The following COL19A1 variants were observed in gnomAD, a reference collection of about 807,000 sequenced individuals.
COL19A1 encodes collagen type XIX alpha 1 chain, also known as collagen alpha-1(XIX) chain.
COL19A1 carries 159 observed loss-of-function variants against 190.2 expected under a neutral mutation model. That is an observed-to-expected ratio of 0.84 (90% CI 0.73 to 0.95). The LOEUF (loss-of-function observed/expected upper bound fraction) is 0.95. Among genes scored for constraint, COL19A1 ranks in the 40% least tolerant of loss-of-function variants. COL19A1 has a pLI of 0.00. For missense variants in COL19A1, 1,418 were observed against 1,431.9 expected (o/e 0.99, Z 0.16); for synonymous variants, 509 against 458.9 (o/e 1.11, Z -1.39).
In COL19A1 at chr6:70,156,347, T is replaced by C. The variant is rs2150252655; in HGVS notation, c.2216T>C (p.Ile739Thr). 2 of 1,613,204 alleles carry C rather than the reference T, an allele frequency of 1.2e-6. No individual in the cohort carries two copies. Among genetic ancestry groups the C allele is most frequent in the East Asian group, 4.5e-5 (2 of 44,828 alleles). Residue 739 changes from isoleucine to threonine, a missense_variant, in exon 33 of 51, where the codon ATC becomes ACC. By Grantham distance (89) the Ile-to-Thr change is moderately conservative (BLOSUM62 -1). Coordinates refer to ENST00000620364, the MANE Select transcript of COL19A1 (RefSeq NM_001858.6). ...ATAGGGCCACGGGGTCCTCCAGGAA[T>C]CCCAGGAAGAGAGGGACCAAAGGTA... ...GDIGPRGPPG[I>T]PGREGPKGSK... is the part of the protein sequence containing the mutation.
At chr6:70,081,261 C>G (rs1194531212) in intron 15 of COL19A1, among the ~76,000 whole-genome samples, 4 of 152,162 alleles carry the variant, frequency 2.6e-5, no homozygotes, top group African/African-American at 9.7e-5. Context: ...TCTGCATGCT[C>G]TACCTCCATA....
chr6:69,946,196 G>A (rs1267353137), intron 9 of COL19A1, among the ~76,000 whole-genome samples: 3 of 151,950 alleles, frequency 2.0e-5, no homozygotes, highest in Non-Finnish European at 4.4e-5. Flanking sequence ...CATATTAATT[G>A]AAGTAACAGC....
At position 70,210,598 on chromosome 6, in the gene COL19A1, T is replaced by C. The variant is rs1768131119; in HGVS notation, c.*3324T>C. On this transcript the variant is annotated 3_prime_UTR_variant, in exon 51 of 51. Transcript: ENST00000620364. ...AAGTAATTTTTATGAATCTGTTTTA[T>C]GAGTTAGGTAAGATTTAGCCTTTCT... is the stretch of plus-strand genomic sequence containing the variant. Among the ~76,000 whole-genome samples, 1 of 152,170 alleles carries C rather than the reference T, an allele frequency of 6.6e-6. No individual in the cohort carries two copies. Among genetic ancestry groups the C allele is most frequent in the South Asian group, 2.1e-4 (1 of 4,838 alleles).
chr6:70,066,519 G>A (rs1468859737), intron 14 of COL19A1, among the ~76,000 whole-genome samples: 4 of 151,990 alleles, frequency 2.6e-5, no homozygotes, highest in Non-Finnish European at 5.9e-5. Context: ...AATGGGTGCA[G>A]CACACCAACA....
chr6:70,046,814 C>T (rs1317771195), intron 14 of COL19A1, among the ~76,000 whole-genome samples: 1 of 152,048 alleles, frequency 6.6e-6, no homozygotes, highest in Non-Finnish European at 1.5e-5. Context: ...AAATAACTTG[C>T]TATAAATTTG....
In COL19A1 at chr6:70,145,683, G is replaced by A. The variant is rs536857284; in HGVS notation, c.1770+676G>A. ...ACCCCTGAACCTAAAATAAAAGTCA[G>A]GGGAAAAAAGAAATATTCATCTATT... is the stretch of plus-strand genomic sequence containing the variant. On this transcript the variant is annotated intron_variant, in intron 25 of 50. Coordinates refer to ENST00000620364, the MANE Select transcript of COL19A1 (RefSeq NM_001858.6). 3.3e-5 allele frequency among the ~76,000 whole-genome samples: 5 copies of A among 149,482 alleles called. No individual in the cohort carries two copies. In the South Asian group the frequency reaches 1.1e-3, roughly 32 times the overall value.
chr6:69,906,115 T>A (rs1201946249), intron 4 of COL19A1, among the ~76,000 whole-genome samples: 1 of 152,234 alleles, frequency 6.6e-6, no homozygotes, highest in East Asian at 1.9e-4. Context: ...ACACATACTA[T>A]AGAGTACCTT....
intron 16 of COL19A1, among the ~76,000 whole-genome samples, chr6:70,114,794 T>A (rs962573505): frequency 1.3e-5 from 2 of 152,230 alleles, no homozygotes. Flanking sequence ...CCTAAATATA[T>A]GCATATACAT....
At chr6:70,019,617 TA>T (rs1286426510) in intron 11 of COL19A1, among the ~76,000 whole-genome samples, 1 of 152,128 alleles carries the variant, frequency 6.6e-6, no homozygotes, top group Non-Finnish European at 1.5e-5. Context: ...AAATGTAATC[TA>T]ATTCCCATGC....
intron 44 of COL19A1, 81 bp downstream of exon 44, chr6:70,180,604 C>G (rs1191537219): frequency 3.4e-6 from 5 of 1,456,710 alleles, no homozygotes; most frequent in Non-Finnish European, 4.8e-6. Flanking sequence ...CTCAGAAATT[C>G]TGAGATTTGA....
chr6:70,099,282 G>A (rs560059377), intron 15 of COL19A1, among the ~76,000 whole-genome samples: 20 of 151,878 alleles, frequency 1.3e-4, no homozygotes, highest in East Asian at 3.9e-4. Context: ...CTGAAAATTC[G>A]AAATCTGAAA....
chr6:70,187,806 A>G (rs938225057), intron 46 of COL19A1, among the ~76,000 whole-genome samples: 15 of 151,988 alleles, frequency 9.9e-5, no homozygotes, highest in African/African-American at 3.6e-4. Flanking sequence ...CATTCTCTCT[A>G]TCTTTTATGT....
At chr6:70,001,457 G>A (rs1042493818) in intron 11 of COL19A1, among the ~76,000 whole-genome samples, 1 of 152,104 alleles carries the variant, frequency 6.6e-6, no homozygotes, top group African/African-American at 2.4e-5. Context: ...AATTGTTTTG[G>A]TCAGTATGGC....
At chr6:70,185,391 A>G (rs2150291506) in intron 46 of COL19A1, among the ~76,000 whole-genome samples, 1 of 152,308 alleles carries the variant, frequency 6.6e-6, no homozygotes, top group Admixed American at 6.5e-5. Flanking sequence ...AAGTGTCTCC[A>G]GACATCACCA....
intron 15 of COL19A1, among the ~76,000 whole-genome samples, chr6:70,086,166 A>G (rs1228134482): frequency 6.6e-6 from 1 of 152,080 alleles, no homozygotes; most frequent in Non-Finnish European, 1.5e-5. Flanking sequence ...TCGTATTTCT[A>G]TATTTTACTA....
At chr6:70,125,130 G>C (rs1785118275) in intron 17 of COL19A1, among the ~76,000 whole-genome samples, 1 of 152,008 alleles carries the variant, frequency 6.6e-6, no homozygotes, top group African/African-American at 2.4e-5. Flanking sequence ...CAGATGGTCT[G>C]ACTGTAGCAA....
intron 1 of COL19A1, among the ~76,000 whole-genome samples, chr6:69,877,772 G>A (rs546005840): frequency 4.4e-4 from 67 of 152,196 alleles, no homozygotes; most frequent in Admixed American, 1.2e-3. Context: ...TGTAATCCCA[G>A]CACTTTGGGA....
At chr6:69,986,202 G>C (rs532968035) in intron 11 of COL19A1, among the ~76,000 whole-genome samples, 1 of 143,182 alleles carries the variant, frequency 7.0e-6, no homozygotes, top group African/African-American at 2.6e-5. Flanking sequence ...CCAGTAAAAT[G>C]TTAAATGACT....
At position 70,190,359 on chromosome 6, in the gene COL19A1, A is replaced by G. The variant is rs1221623409; in HGVS notation, c.3072A>G (p.Gln1024=). The part of the protein sequence containing the change: ...SFEEIKKYIN[Q]EVLRIFEERM... ...AAGAAATAAAGAAGTATATTAATCAAGAGGTCCTAAGGATTTTTGAAGGTT... is the reference window on the plus strand; with the variant it reads ...AAGAAATAAAGAAGTATATTAATCAGGAGGTCCTAAGGATTTTTGAAGGTT... Residue 1024 remains glutamine (Q), a synonymous_variant, in exon 48 of 51, where the codon CAA becomes CAG. Coordinates refer to ENST00000620364, the MANE Select transcript of COL19A1 (RefSeq NM_001858.6). 1 of 1,604,386 alleles carries G rather than the reference A, an allele frequency of 6.2e-7. No individual in the cohort carries two copies. Among genetic ancestry groups the G allele is most frequent in the South Asian group, 1.1e-5 (1 of 89,252 alleles).
Sources: gnomAD v4.1 joint callset for allele counts (sites outside exome capture counted in the v4.1 genomes callset) on GRCh38, gnomAD v4.1.1 for gene constraint, MANE v1.5 for transcripts, NCBI Gene and HGNC (gene_info 2026-07-23, HGNC 2026-07-21) for gene names.